The following MAN2A1 variants were observed in gnomAD, a reference collection of about 807,000 sequenced individuals.
MAN2A1 encodes alpha-mannosidase 2.
In MAN2A1, 76 loss-of-function variants were observed where a neutral mutation model predicts 142.6. That is an observed-to-expected ratio of 0.53 (90% CI 0.44 to 0.65). The LOEUF (loss-of-function observed/expected upper bound fraction) is 0.65. Among genes scored for constraint, MAN2A1 ranks in the 30% least tolerant of loss-of-function variants. The pLI, the probability that MAN2A1 is intolerant of heterozygous loss-of-function variation, is 0.00. For synonymous variants in MAN2A1, 559 were observed against 473.2 expected, an observed-to-expected ratio of 1.18 and a Z score of -2.35; for missense variants, 1,311 against 1,365.1, an observed-to-expected ratio of 0.96 and a Z score of 0.62.
chr5:109,845,928 A>G lies in MAN2A1; in HGVS notation c.2764A>G (p.Met922Val), dbSNP rs772319096. The G allele has an allele frequency of 5.9e-5, 95 of 1,613,640 alleles. No homozygotes were observed. The highest frequency in any genetic ancestry group is 3.8e-4 in the Admixed American group (23 of 60,000). The part of the protein sequence containing the change: ...LQANVYPMTT[M>V]AYIQDAKHRL... ...AGCAAATGTCTATCCCATGACCACA[A>G]TGGCCTATATCCAGGATGCCAAACA... Residue 922 changes from methionine (M) to valine (V), a missense_variant, in exon 18 of 22, where the codon ATG (methionine) becomes GTG (valine). Transcript: ENST00000261483.
intron 20 of MAN2A1, among the ~76,000 whole-genome samples, chr5:109,859,978 ATTTAT>A (rs1755715799): frequency 6.7e-6 from 1 of 149,170 alleles, no homozygotes; most frequent in African/African-American, 2.5e-5. Context: ...TCTCTATGTA[ATTTAT>A]TTTGATTTGT....
intron 4 of MAN2A1, among the ~76,000 whole-genome samples, chr5:109,732,739 A>G (rs967116681): frequency 1.3e-5 from 2 of 152,172 alleles, no homozygotes; most frequent in African/African-American, 4.8e-5. Context: ...TTCTGGTACC[A>G]GTCCCATGCT....
chr5:109,751,854 GT>G (rs1300222342), intron 4 of MAN2A1, among the ~76,000 whole-genome samples: 1 of 151,746 alleles, frequency 6.6e-6, no homozygotes, highest in African/African-American at 2.4e-5. Flanking sequence ...CCTTTTGCTT[GT>G]TTTTTGTTAA....
intron 19 of MAN2A1, among the ~76,000 whole-genome samples, chr5:109,848,862 A>T (rs1382247375): frequency 6.6e-6 from 1 of 152,058 alleles, no homozygotes; most frequent in Non-Finnish European, 1.5e-5. Context: ...CTCCTACCCA[A>T]TTGAGTCAGA....
chr5:109,760,147 C>T, intron 5 of MAN2A1, among the ~76,000 whole-genome samples: 1 of 152,078 alleles, frequency 6.6e-6, no homozygotes, highest in East Asian at 1.9e-4. Flanking sequence ...AGCCTCCCAG[C>T]CCCTGACGCC....
chr5:109,798,962 GA>G (rs1159450111), intron 12 of MAN2A1, among the ~76,000 whole-genome samples: 2 of 152,202 alleles, frequency 1.3e-5, no homozygotes, highest in East Asian at 3.9e-4. Context: ...AAAGTGCTGG[GA>G]TTACAGGTGT....
intron 3 of MAN2A1, among the ~76,000 whole-genome samples, chr5:109,718,196 C>A (rs1002834160): frequency 1.3e-5 from 2 of 152,192 alleles, no homozygotes; most frequent in Non-Finnish European, 2.9e-5. Context: ...TCCTTGTAGG[C>A]TTATAAATAT....
At chr5:109,863,373 T>C (rs901942275) in intron 20 of MAN2A1, 2 of 152,226 alleles carry the variant, frequency 1.3e-5, no homozygotes, top group African/African-American at 4.8e-5. Flanking sequence ...TTTCATTTCA[T>C]CTTCATTTTA....
intron 12 of MAN2A1, among the ~76,000 whole-genome samples, chr5:109,790,235 C>T (rs1753701667): frequency 6.6e-6 from 1 of 151,748 alleles, no homozygotes; most frequent in Non-Finnish European, 1.5e-5. Flanking sequence ...ATATTTAGTA[C>T]CTCCTCTTGC....
chr5:109,745,363 A>G (rs1309994488), intron 4 of MAN2A1, among the ~76,000 whole-genome samples: 1 of 152,178 alleles, frequency 6.6e-6, no homozygotes, highest in African/African-American at 2.4e-5. Flanking sequence ...AAAGATGCTC[A>G]TGGTATAATG....
At chr5:109,763,227 C>T (rs1323361641) in intron 5 of MAN2A1, among the ~76,000 whole-genome samples, 1 of 152,180 alleles carries the variant, frequency 6.6e-6, no homozygotes, top group Non-Finnish European at 1.5e-5. Context: ...TGTACTGCAG[C>T]TGCTCAGCCT....
chr5:109,846,150 AG>A (rs1755339978), intron 18 of MAN2A1, 144 bp downstream of exon 18: 2 of 683,080 alleles, frequency 2.9e-6, no homozygotes, highest in Non-Finnish European at 4.5e-6. Context: ...CCAGACTATT[AG>A]TTAAGTTTGG....
chr5:109,756,722 G>A (rs1474763034), intron 5 of MAN2A1, among the ~76,000 whole-genome samples: 1 of 152,196 alleles, frequency 6.6e-6, no homozygotes, highest in East Asian at 1.9e-4. Flanking sequence ...AGTTAGCATA[G>A]CAGGTCTGCT....
At chr5:109,805,494 A>G (rs1407581347) in intron 12 of MAN2A1, among the ~76,000 whole-genome samples, 1 of 152,174 alleles carries the variant, frequency 6.6e-6, no homozygotes. Flanking sequence ...GCAACTACAA[A>G]TTCTGTGGAC....
chr5:109,817,456 A>T lies in MAN2A1; in HGVS notation c.2109+18A>T, dbSNP rs1191782376. ...CCTATGAGGTATGTTGTAGCCATAGAACTTAAGGAGGCATTGTAAAACAAA... is the reference window on the plus strand; with the variant it reads ...CCTATGAGGTATGTTGTAGCCATAGTACTTAAGGAGGCATTGTAAAACAAA... On this transcript the variant is annotated intron_variant, in intron 13 of 21. Transcript: ENST00000261483. The T allele has an allele frequency of 1.2e-6, 2 of 1,612,566 alleles. No homozygotes were observed. The highest frequency in any genetic ancestry group is 8.5e-7 in the Non-Finnish European group (1 of 1,179,032).
rs372771612 is a variant in MAN2A1, at chr5:109,735,658, C to T, written c.707+6145C>T. Reference sequence around the variant, plus strand: ...CTGGGAGCTGTAGACCGGAGCTGTTCCTATTTGGCCATCTTGGCTGCTCCC... The same window carrying T: ...CTGGGAGCTGTAGACCGGAGCTGTTTCTATTTGGCCATCTTGGCTGCTCCC... On this transcript the variant is annotated intron_variant, in intron 4 of 21. Transcript: ENST00000261483. Among the ~76,000 whole-genome samples, 347 of 152,188 alleles carry T rather than the reference C, an allele frequency of 2.3e-3. 1 individual carries two copies. The highest frequency in any genetic ancestry group is 0.021 in the Middle Eastern group (6 of 292).
intron 4 of MAN2A1, among the ~76,000 whole-genome samples, chr5:109,749,787 C>T (rs1752498663): frequency 6.6e-6 from 1 of 151,844 alleles, no homozygotes; most frequent in Non-Finnish European, 1.5e-5. Context: ...CACTAATATT[C>T]CCCTGCTTGT....
Position 109,713,538 on chromosome 5 carries a change from C to A in MAN2A1, c.154C>A (p.Gln52Lys). Residue 52 changes from glutamine (Q) to lysine (K), a missense_variant, in exon 2 of 22, where the codon CAA becomes AAA. Physicochemically the swap from Gln to Lys is moderately conservative, Grantham distance 53. Around this residue, in one of 3 missense-constraint regions of MAN2A1, gnomAD observed 409 missense variants for 412.7 expected, o/e 0.99. Transcript: ENST00000261483. ...SFPQGQLSML[Q>K]EKIDHLERLL... is the part of the protein sequence containing the mutation. Reference sequence around the variant, plus strand: ...ATTGTAGGGCCAGCTCTCAATGTTGCAAGAAAAAATAGACCATTTGGAGCG... The same window carrying A: ...ATTGTAGGGCCAGCTCTCAATGTTGAAAGAAAAAATAGACCATTTGGAGCG... 1 of 1,607,090 alleles carries A rather than the reference C, an allele frequency of 6.2e-7. No homozygotes were observed. The highest frequency in any genetic ancestry group is 8.5e-7 in the Non-Finnish European group (1 of 1,174,772).
Position 109,833,037 on chromosome 5 carries a change from G to A in MAN2A1, c.2566+9200G>A, listed in dbSNP as rs1406480360. 8.5e-4 allele frequency among the ~76,000 whole-genome samples: 129 copies of A among 151,792 alleles called. 6 individuals carry two copies. The highest frequency in any genetic ancestry group is 4.2e-4 in the South Asian group (2 of 4,788). ...GCGCTCCTCACATCCCAGATGGGGC[G>A]GCAGGGCAGAGGCGCTCCCCACATC... On this transcript the variant is annotated intron_variant, in intron 16 of 21. Transcript: ENST00000261483.
Sources: allele counts gnomAD v4.1 joint callset (sites outside exome capture counted in the v4.1 genomes callset), GRCh38; gene constraint gnomAD v4.1.1; regional missense constraint gnomAD v4.1.1; transcripts MANE v1.5; gene names NCBI Gene and HGNC (gene_info 2026-07-23, HGNC 2026-07-21).